Variants in ADAMTSL3 observed in about 807,000 individuals in gnomAD.
The protein encoded by ADAMTSL3 is ADAMTS like 3.
ADAMTSL3 carries 128 observed loss-of-function variants against 201.7 expected under a neutral mutation model. The observed-to-expected ratio is 0.63, with a 90% CI of 0.55 to 0.73. ADAMTSL3 has a LOEUF of 0.73. Ranked by LOEUF, ADAMTSL3 falls within the 30% of genes least tolerant of loss-of-function variation. ADAMTSL3 has a pLI of 0.00. For missense variants in ADAMTSL3, 1,990 were observed against 2,119.6 expected (o/e 0.94, Z 1.20); for synonymous variants, 738 against 748.4 (o/e 0.99, Z 0.23).
chr15:83,804,558 A>G (rs2063573244), intron 4 of ADAMTSL3, 92 bp from the exon 5 acceptor site: 1 of 817,010 alleles, frequency 1.2e-6, no homozygotes, highest in African/African-American at 1.8e-5. Context: ...ACAGGGAACC[A>G]ATGCCTTGTA....
intron 7 of ADAMTSL3, among the ~76,000 whole-genome samples, chr15:83,857,148 C>T (rs2064752867): frequency 6.6e-6 from 1 of 151,978 alleles, no homozygotes; most frequent in Non-Finnish European, 1.5e-5. Flanking sequence ...GTCCTTTTGT[C>T]CTTTTTATTG....
chr15:83,984,585 T>G (rs538562396), intron 21 of ADAMTSL3, among the ~76,000 whole-genome samples: 4 of 152,316 alleles, frequency 2.6e-5, no homozygotes, highest in African/African-American at 9.6e-5. Context: ...CTTTTGTAAA[T>G]GTGAGTTGTA....
chr15:84,005,601 T>C lies in ADAMTSL3; in HGVS notation c.3974-8941T>C, dbSNP rs181408875. The stretch of plus-strand genomic sequence containing the variant: ...CAATATCCAGCAGTGAACTGTGTGG[T>C]GCTCATGAGATATGTCTGGTGGCGT... On this transcript the variant is annotated intron_variant, in intron 23 of 29. Transcript: ENST00000286744. Among the ~76,000 whole-genome samples the C allele has an allele frequency of 3.9e-5, 6 of 152,336 alleles. No homozygotes were observed. In the East Asian group the frequency reaches 1.2e-3, roughly 29 times the overall value.
At chr15:83,728,223 C>T (rs747441187) in intron 3 of ADAMTSL3, among the ~76,000 whole-genome samples, 1 of 151,442 alleles carries the variant, frequency 6.6e-6, no homozygotes, top group Non-Finnish European at 1.5e-5. Flanking sequence ...CTTTTTTCAT[C>T]CCTTTTTTTC....
At chr15:83,909,562 A>G (rs1567229993) in intron 15 of ADAMTSL3, among the ~76,000 whole-genome samples, 1 of 152,158 alleles carries the variant, frequency 6.6e-6, no homozygotes, top group Non-Finnish European at 1.5e-5. Flanking sequence ...ATAGAGATGT[A>G]GTTTACATAC....
intron 4 of ADAMTSL3, among the ~76,000 whole-genome samples, chr15:83,799,765 T>C (rs1422613378): frequency 6.6e-6 from 1 of 152,166 alleles, no homozygotes; most frequent in African/African-American, 2.4e-5. Context: ...AATTGTGAAA[T>C]GATGTTCTTG....
At chr15:83,828,478 A>G (rs1028473099) in intron 6 of ADAMTSL3, among the ~76,000 whole-genome samples, 5 of 152,186 alleles carry the variant, frequency 3.3e-5, no homozygotes, top group African/African-American at 4.8e-5. Context: ...GCAGACAGGG[A>G]CAATTTGACT....
intron 19 of ADAMTSL3, among the ~76,000 whole-genome samples, chr15:83,968,647 C>T (rs902833800): frequency 6.6e-6 from 1 of 152,188 alleles, no homozygotes. Flanking sequence ...TTTGATCCAG[C>T]AATCCCATAA....
At chr15:83,675,863 T>C (rs2061397586) in intron 2 of ADAMTSL3, among the ~76,000 whole-genome samples, 1 of 152,180 alleles carries the variant, frequency 6.6e-6, no homozygotes, top group African/African-American at 2.4e-5. Context: ...TTCAAATTGT[T>C]GAATTTTTCT....
At chr15:83,921,363 T>C (rs1375400366) in intron 16 of ADAMTSL3, among the ~76,000 whole-genome samples, 1 of 152,210 alleles carries the variant, frequency 6.6e-6, no homozygotes, top group Admixed American at 6.5e-5. Flanking sequence ...GGCCCAAGAC[T>C]ACTTGATTTT....
chr15:83,697,655 G>A (rs1324814051), intron 2 of ADAMTSL3, among the ~76,000 whole-genome samples: 1 of 152,172 alleles, frequency 6.6e-6, no homozygotes, highest in African/African-American at 2.4e-5. Context: ...GTGAGGTCTG[G>A]AAGGAGGTCC....
In ADAMTSL3 at chr15:83,730,346, A is replaced by G. The variant is rs1567105247; in HGVS notation, c.189+25838A>G. Reference sequence around the variant, plus strand: ...TGACTTCCTACGGCACACCAAACCAATGGATTTTACAGGTGGAGGAACTAC... The same window carrying G: ...TGACTTCCTACGGCACACCAAACCAGTGGATTTTACAGGTGGAGGAACTAC... On this transcript the variant is annotated intron_variant, in intron 3 of 29. Coordinates refer to ENST00000286744, the MANE Select transcript of ADAMTSL3 (RefSeq NM_207517.3). Among the ~76,000 whole-genome samples the G allele has an allele frequency of 2.6e-5, 4 of 152,064 alleles. No homozygotes were observed. The East Asian group carries it at 5.8e-4, about 22-fold the overall frequency.
chr15:83,997,736 TTTG>T lies in ADAMTSL3; in HGVS notation c.3973+6537_3973+6539del, dbSNP rs375588448. On this transcript the variant is annotated intron_variant, in intron 23 of 29. Coordinates refer to ENST00000286744, the MANE Select transcript of ADAMTSL3 (RefSeq NM_207517.3). Reference sequence around the variant, plus strand: ...GACATGTGGTTATCAGTTACATTGTTTTGTTGTTGTTGTTGTTCACCTCCTAGC... The same window carrying T: ...GACATGTGGTTATCAGTTACATTGTTTTGTTGTTGTTGTTCACCTCCTAGC... Among the ~76,000 whole-genome samples the T allele has an allele frequency of 4.9e-4, 75 of 152,196 alleles. 1 individual carries two copies. Among genetic ancestry groups the T allele is most frequent in the African/African-American group, 1.3e-3 (54 of 41,560 alleles).
intron 2 of ADAMTSL3, among the ~76,000 whole-genome samples, chr15:83,673,408 A>G (rs1297270268): frequency 6.6e-6 from 1 of 152,206 alleles, no homozygotes; most frequent in Non-Finnish European, 1.5e-5. Context: ...GTTTTTCCCC[A>G]GTAGAGCATT....
At chr15:83,903,905 C>A (rs202100513) in intron 15 of ADAMTSL3, among the ~76,000 whole-genome samples, 25,078 of 55,830 alleles carry the variant, frequency 0.45, 6,609 homozygotes, top group African/African-American at 0.67. Flanking sequence ...GTGACAGTGC[C>A]AGACTCCACA....
At position 83,942,964 on chromosome 15, in the gene ADAMTSL3, C is replaced by G. The variant is rs144077662; in HGVS notation, c.2372C>G (p.Thr791Arg). 1.2e-6 allele frequency: 2 copies of G among 1,613,864 alleles called. No homozygotes were observed. Among genetic ancestry groups the G allele is most frequent in the Non-Finnish European group, 1.7e-6 (2 of 1,179,926 alleles). The change falls in exon 19 of 30, where the codon ACG becomes AGG. Residue 791 changes from threonine to arginine, a missense_variant. Physicochemically the swap from Thr to Arg is moderately conservative, Grantham distance 71. Coordinates refer to ENST00000286744, the MANE Select transcript of ADAMTSL3 (RefSeq NM_207517.3). ...NRRVTCRQLL[T>R]DGSFLNLSDE... is the part of the protein sequence containing the mutation. ...AGAGTCACCTGTCGGCAGCTGCTAACGGATGGCAGCTTTTTGAATCTCTCA... is the reference window on the plus strand; with the variant it reads ...AGAGTCACCTGTCGGCAGCTGCTAAGGGATGGCAGCTTTTTGAATCTCTCA...
intron 3 of ADAMTSL3, among the ~76,000 whole-genome samples, chr15:83,729,632 T>A (rs969994791): frequency 6.6e-6 from 1 of 152,010 alleles, no homozygotes; most frequent in African/African-American, 2.4e-5. Context: ...TTGTTAGTTT[T>A]ATCTGATAGA....
chr15:83,793,890 C>T (rs1030936592), intron 4 of ADAMTSL3, among the ~76,000 whole-genome samples: 1 of 152,084 alleles, frequency 6.6e-6, no homozygotes, highest in African/African-American at 2.4e-5. Flanking sequence ...CAAATGAGAT[C>T]AACGGGAGAA....
At position 83,926,539 on chromosome 15, in the gene ADAMTSL3, C is replaced by T. The variant is rs144662539; in HGVS notation, c.2117+2506C>T. On this transcript the variant is annotated intron_variant, in intron 17 of 29. Transcript: ENST00000286744. ...CACCACAATTTCATTTGAGCATCCT[C>T]GATTTAAAGCCTGCCTCCATGTGAA... Among the ~76,000 whole-genome samples, 31 of 152,078 alleles carry T rather than the reference C, an allele frequency of 2.0e-4. 1 individual carries two copies. In the East Asian group the frequency reaches 5.8e-3, roughly 28 times the overall value.
Sources: gnomAD v4.1 joint callset for allele counts (sites outside exome capture counted in the v4.1 genomes callset) on GRCh38, gnomAD v4.1.1 for gene constraint, MANE v1.5 for transcripts, NCBI Gene and HGNC (gene_info 2026-07-23, HGNC 2026-07-21) for gene names.